Variants in OTOF observed in about 807,000 individuals in gnomAD.
The protein encoded by OTOF is fer-1-like family member 2.
In OTOF, 218 loss-of-function variants were observed where a neutral mutation model predicts 236.8. The ratio of observed to expected loss-of-function variants is 0.92; its 90% CI spans 0.82 to 1.03. OTOF has a LOEUF of 1.03. OTOF is among the 50% of genes least tolerant of loss of function. OTOF has a pLI of 0.00. For synonymous variants in OTOF, 1,041 were observed against 1,072.5 expected, an observed-to-expected ratio of 0.97 and a Z score of 0.57; for missense variants, 2,590 against 2,694.4, an observed-to-expected ratio of 0.96 and a Z score of 0.86.
intron 1 of OTOF, among the ~76,000 whole-genome samples, chr2:26,538,963 C>T (rs1419769331): frequency 1.3e-5 from 2 of 152,224 alleles, no homozygotes; most frequent in East Asian, 3.9e-4. Context: ...ACAGGCGCCG[C>T]CACCATGCCC....
At chr2:26,534,703 G>A (rs1001137229) in intron 2 of OTOF, among the ~76,000 whole-genome samples, 1 of 152,172 alleles carries the variant, frequency 6.6e-6, no homozygotes, top group Non-Finnish European at 1.5e-5. Context: ...AGAGCAGGGA[G>A]CATATCTCTC....
chr2:26,496,052 T>C (rs1665975550), intron 8 of OTOF, among the ~76,000 whole-genome samples: 1 of 152,208 alleles, frequency 6.6e-6, no homozygotes, highest in African/African-American at 2.4e-5. Context: ...ACTGATTGTA[T>C]GTTGTGTGCA....
At chr2:26,468,286 C>T in intron 33 of OTOF, 122 bp downstream of exon 33, 1 of 794,528 alleles carries the variant, frequency 1.3e-6, no homozygotes, top group East Asian at 2.5e-5. Flanking sequence ...TGCTGCTTCC[C>T]TGGCTACTAA....
At position 26,536,518 on chromosome 2, in the gene OTOF, G is replaced by A. The variant is rs548474922; in HGVS notation, c.138+1198C>T. ...ATGGCTGTGCCTAAGCCTGAGTGAG[G>A]AGCGAGGTTTTGCTCCCTGTGTCTC... is the stretch of plus-strand genomic sequence containing the variant. On this transcript the variant is annotated intron_variant, in intron 2 of 46. Coordinates refer to ENST00000272371, the MANE Select transcript of OTOF (RefSeq NM_194248.3). Among the ~76,000 whole-genome samples the A allele has an allele frequency of 1.1e-4, 17 of 152,264 alleles. No individual in the cohort carries two copies. The South Asian group carries it at 3.5e-3, about 32-fold the overall frequency.
At chr2:26,495,116 G>A in intron 8 of OTOF, 43 bp from the exon 9 acceptor site, 1 of 1,612,244 alleles carries the variant, frequency 6.2e-7, no homozygotes. Flanking sequence ...AGCTGCCTGA[G>A]CCTAGGAGCC....
Position 26,474,515 on chromosome 2 carries a change from G to T in OTOF, c.3286C>A (p.Gln1096Lys). The change falls in exon 26 of 47, where the codon CAG becomes AAG. Residue 1096 changes from glutamine (Q) to lysine (K), a missense_variant and splice_region_variant. Transcript: ENST00000272371. ...GDLLAAFELL[Q>K]IGPAGKADLP... ...GCCCCTCTTCCCTGCAGTCCCACCTGCAGCAGCTCGAAGGCCGCCAGCAGG... is the reference window on the plus strand; with the variant it reads ...GCCCCTCTTCCCTGCAGTCCCACCTTCAGCAGCTCGAAGGCCGCCAGCAGG... The T allele has an allele frequency of 6.2e-7, 1 of 1,602,850 alleles. No homozygotes were observed. The highest frequency in any genetic ancestry group is 1.3e-5 in the African/African-American group (1 of 74,774).
intron 4 of OTOF, 84 bp downstream of exon 4, chr2:26,518,926 A>G (rs1666603387): frequency 2.1e-6 from 2 of 964,806 alleles, no homozygotes; most frequent in Non-Finnish European, 1.6e-6. Flanking sequence ...CATTCCCCAG[A>G]CCACCCCATG....
At chr2:26,496,235 G>A (rs1665980394) in intron 8 of OTOF, among the ~76,000 whole-genome samples, 1 of 125,886 alleles carries the variant, frequency 7.9e-6, no homozygotes, top group African/African-American at 4.1e-5. Flanking sequence ...AATGATTAAT[G>A]GCTTTTTTTT....
At chr2:26,493,415 C>T (rs59506688) in intron 9 of OTOF, among the ~76,000 whole-genome samples, 7,314 of 152,266 alleles carry the variant, frequency 0.048, 544 homozygotes, top group African/African-American at 0.16. Flanking sequence ...CAGCCTGGCA[C>T]CCCTCACTGC....
intron 8 of OTOF, among the ~76,000 whole-genome samples, chr2:26,500,163 C>T (rs4665860): frequency 0.32 from 47,982 of 152,094 alleles, 8,730 homozygotes; most frequent in South Asian, 0.4. Context: ...GCCTTGAACC[C>T]TGGCTCTAAC....
At chr2:26,490,799 G>A (rs1665821899) in intron 9 of OTOF, among the ~76,000 whole-genome samples, 1 of 152,144 alleles carries the variant, frequency 6.6e-6, no homozygotes, top group Non-Finnish European at 1.5e-5. Context: ...TTCACTTGGG[G>A]GGCTTCAAGG....
intron 5 of OTOF, among the ~76,000 whole-genome samples, chr2:26,513,795 C>T (rs1364388812): frequency 1.3e-5 from 2 of 152,186 alleles, no homozygotes; most frequent in African/African-American, 2.4e-5. Flanking sequence ...ACCCCTTCCC[C>T]GGTGTTGTCC....
chr2:26,462,835 A>C lies in OTOF; in HGVS notation c.5192+648T>G, dbSNP rs894420972. Among the ~76,000 whole-genome samples, 5 of 152,212 alleles carry C rather than the reference A, an allele frequency of 3.3e-5. No individual in the cohort carries two copies. Among genetic ancestry groups the C allele is most frequent in the Non-Finnish European group, 7.3e-5 (5 of 68,038 alleles). On this transcript the variant is annotated intron_variant, in intron 41 of 46. Transcript: ENST00000272371. The surrounding 1 kb of genome is among the most constrained non-coding windows in gnomAD (Gnocchi z 4.7). ...GGCAACATAGGAGCATGGAAACAAG[A>C]GTGGGACCCTGTGTGGCTTCCTCCA...
At chr2:26,516,692 TC>T in intron 4 of OTOF, 93 bp from the exon 5 acceptor site, 1 of 1,327,272 alleles carries the variant, frequency 7.5e-7, no homozygotes. Context: ...ACACAGCGCT[TC>T]CACACCCTTG....
rs199854846 is a variant in OTOF at position 26,464,071 on chromosome 2, A to G, written c.4996T>C (p.Leu1666=). The G allele has an allele frequency of 6.7e-4, 1,075 of 1,613,666 alleles. 13 individuals are homozygous for G. In the South Asian group the frequency reaches 0.011, roughly 16 times the overall value. The change falls in exon 40 of 47, where the codon TTG becomes CTG. Residue 1666 remains leucine (L), a synonymous_variant. Transcript: ENST00000272371. ...ATGTCCTCCCAGTGCCTCAGGGCCAACAGCGCCACATGCTCGTCTGTGGGC... is the reference window on the plus strand; with the variant it reads ...ATGTCCTCCCAGTGCCTCAGGGCCAGCAGCGCCACATGCTCGTCTGTGGGC... The part of the protein sequence containing the change: ...RKPTDEHVAL[L]ALRHWEDIPR...
At position 26,497,089 on chromosome 2, in the gene OTOF, C is replaced by CT. The variant is rs201349303; in HGVS notation, c.766-2017dup. Among the ~76,000 whole-genome samples, 671 of 97,688 alleles carry CT rather than the reference C, an allele frequency of 6.9e-3. 73 individuals carry two copies. Among genetic ancestry groups the CT allele is most frequent in the Middle Eastern group, 0.016 (2 of 124 alleles). 64.1% of individuals were successfully genotyped at this position (97,688 alleles called of 152,430 possible). ...TAAGCATGGACCTCTGTACATTCTT[C>CT]TTTTTTTTTTTTTTTTTTTTTTTTT... is the stretch of plus-strand genomic sequence containing the variant. On this transcript the variant is annotated intron_variant, in intron 8 of 46. Coordinates refer to ENST00000272371, the MANE Select transcript of OTOF (RefSeq NM_194248.3).
intron 5 of OTOF, among the ~76,000 whole-genome samples, chr2:26,512,441 T>A (rs1197503462): frequency 6.6e-6 from 1 of 152,060 alleles, no homozygotes; most frequent in African/African-American, 2.4e-5. Flanking sequence ...TGCATGTGAG[T>A]GTGGTCAGGG....
rs74958152 is a variant in OTOF, at chr2:26,538,280, C to A, written c.80-506G>T. ...CCTGCCCAAACCAGGCCCCCAACAA[C>A]AAGTCAGCTTCCAGACAGCCATTCC... On this transcript the variant is annotated intron_variant, in intron 1 of 46. Transcript: ENST00000272371. 9.6e-3 allele frequency among the ~76,000 whole-genome samples: 1,458 copies of A among 152,364 alleles called. 19 individuals are homozygous for A. Among genetic ancestry groups the A allele is most frequent in the African/African-American group, 0.033 (1,364 of 41,582 alleles).
At chr2:26,516,141 C>G (rs920145955) in intron 5 of OTOF, among the ~76,000 whole-genome samples, 16 of 152,348 alleles carry the variant, frequency 1.1e-4, no homozygotes, top group Admixed American at 2.0e-4. Flanking sequence ...CTAGCCCCAT[C>G]CCTGTGTTAG....
Sources: allele counts gnomAD v4.1 joint callset (sites outside exome capture counted in the v4.1 genomes callset), GRCh38; gene constraint gnomAD v4.1.1; non-coding constraint Gnocchi (gnomAD v3.1); transcripts MANE v1.5; gene names NCBI Gene and HGNC (gene_info 2026-07-23, HGNC 2026-07-21).